PCDHA10: variants seen among roughly 807,000 people sequenced by gnomAD.
PCDHA10 encodes the protein protocadherin alpha 10.
In PCDHA10, 45 loss-of-function variants were observed where a neutral mutation model predicts 61.2. That is an observed-to-expected ratio of 0.74 (90% CI 0.58 to 0.94). The LOEUF is 0.94. Ranked by LOEUF, PCDHA10 falls within the 40% of genes least tolerant of loss-of-function variation. The probability of loss-of-function intolerance (pLI) is 0.00; values close to 1 mark genes in which losing one functional copy is unlikely to be tolerated. For missense variants in PCDHA10, 1,278 were observed against 1,236.2 expected, an observed-to-expected ratio of 1.03 and a Z score of -0.51; for synonymous variants, 602 against 548.8, an observed-to-expected ratio of 1.10 and a Z score of -1.35.
intron 1 of PCDHA10, among the ~76,000 whole-genome samples, chr5:140,976,448 G>C (rs2096716831): frequency 6.6e-6 from 1 of 152,148 alleles, no homozygotes; most frequent in Non-Finnish European, 1.5e-5. Context: ...CTACTAGGGA[G>C]GCTGGGGAAG....
intron 1 of PCDHA10, among the ~76,000 whole-genome samples, chr5:140,872,990 A>C (rs987650775): frequency 6.6e-6 from 1 of 152,184 alleles, no homozygotes; most frequent in African/African-American, 2.4e-5. Context: ...AAGATCATTT[A>C]CTTCTGAGTC....
chr5:140,890,594 T>A (rs1439050160), intron 1 of PCDHA10, among the ~76,000 whole-genome samples: 1 of 152,150 alleles, frequency 6.6e-6, no homozygotes, highest in East Asian at 1.9e-4. Context: ...GAAGCCCTTT[T>A]CCGAATAGCT....
intron 3 of PCDHA10, among the ~76,000 whole-genome samples, chr5:140,991,081 AAAATT>A (rs782742337): frequency 6.6e-6 from 1 of 152,236 alleles, no homozygotes. Flanking sequence ...TTCAGATAAA[AAAATT>A]AAAGCTCATA....
chr5:140,982,678 C>T (rs781968397), intron 3 of PCDHA10, 115 bp downstream of exon 3: 29 of 1,438,778 alleles, frequency 2.0e-5, no homozygotes, highest in Non-Finnish European at 2.6e-5. Context: ...TTTGTTATTC[C>T]CTTTTTTCCA....
At chr5:140,910,523 T>TC (rs2153515069) in intron 1 of PCDHA10, among the ~76,000 whole-genome samples, 1 of 152,338 alleles carries the variant, frequency 6.6e-6, no homozygotes, top group African/African-American at 2.4e-5. Flanking sequence ...ATGCAGGTAC[T>TC]CCCCTCACAA....
intron 3 of PCDHA10, among the ~76,000 whole-genome samples, chr5:141,007,654 C>T (rs1461130528): frequency 6.6e-6 from 1 of 152,052 alleles, no homozygotes; most frequent in Non-Finnish European, 1.5e-5. Context: ...CCTAAAAAAC[C>T]ATAAATTTAC....
At chr5:140,957,851 T>TG (rs2095389296) in intron 1 of PCDHA10, among the ~76,000 whole-genome samples, 1 of 136,014 alleles carries the variant, frequency 7.4e-6, no homozygotes. Flanking sequence ...AGAGTTTGTG[T>TG]ATTTTTTTTC....
intron 1 of PCDHA10, among the ~76,000 whole-genome samples, chr5:140,888,308 G>A (rs1383199158): frequency 1.3e-5 from 2 of 152,106 alleles, no homozygotes; most frequent in Non-Finnish European, 2.9e-5. Flanking sequence ...AGATAATTTG[G>A]CAATGCCTGG....
At chr5:140,925,434 G>C (rs1165185781) in intron 1 of PCDHA10, among the ~76,000 whole-genome samples, 1 of 152,088 alleles carries the variant, frequency 6.6e-6, no homozygotes, top group African/African-American at 2.4e-5. Flanking sequence ...TAGGGTGTTA[G>C]GCAGAATTTG....
At chr5:140,966,603 G>A (rs567686852) in intron 1 of PCDHA10, 9 of 656,454 alleles carry the variant, frequency 1.4e-5, no homozygotes, top group African/African-American at 1.3e-4. Flanking sequence ...AGGAGCCCTT[G>A]GGAGGGCCTA....
In PCDHA10 at chr5:140,897,362, T is replaced by C. The variant is rs1395353589; in HGVS notation, c.2388+38926T>C. Among the ~76,000 whole-genome samples the C allele has an allele frequency of 2.5e-5, 3 of 120,464 alleles. No homozygotes were observed. The East Asian group carries it at 7.6e-4, about 30-fold the overall frequency. 79.0% of individuals were successfully genotyped at this position (120,464 alleles called of 152,430 possible). ...CCCCACCCCACAACTGTCCCCAGAG[T>C]GTGATGTTCCCTTCCCCTTCCTGTG... On this transcript the variant is annotated intron_variant, in intron 1 of 3. Coordinates refer to ENST00000307360, the MANE Select transcript of PCDHA10 (RefSeq NM_018901.4).
At chr5:140,901,674 G>C (rs1387047115) in intron 1 of PCDHA10, among the ~76,000 whole-genome samples, 5 of 152,034 alleles carry the variant, frequency 3.3e-5, no homozygotes, top group African/African-American at 9.7e-5. Flanking sequence ...GATACCTTTA[G>C]GTATTATGGG....
At chr5:140,861,615 C>G (rs2046996028) in intron 1 of PCDHA10, 1 of 348,276 alleles carries the variant, frequency 2.9e-6, no homozygotes, top group African/African-American at 2.1e-5. Context: ...TAAAGACAAC[C>G]TGCCAGTGTT....
intron 1 of PCDHA10, among the ~76,000 whole-genome samples, chr5:140,932,550 A>T (rs552367725): frequency 2.6e-5 from 4 of 152,058 alleles, no homozygotes; most frequent in Admixed American, 2.0e-4. Context: ...TTTAACATAC[A>T]TTCCACAAGT....
chr5:140,965,031 T>C (rs1211247687), intron 1 of PCDHA10, among the ~76,000 whole-genome samples: 3 of 152,208 alleles, frequency 2.0e-5, no homozygotes, highest in African/African-American at 7.2e-5. Flanking sequence ...CTCCTTTAAC[T>C]GTCCGCTCTA....
chr5:140,869,604 AT>A, intron 1 of PCDHA10: 1 of 1,614,062 alleles, frequency 6.2e-7, no homozygotes, highest in Admixed American at 1.7e-5. Context: ...AGAATGCTCT[AT>A]TGACCTACAG....
At chr5:140,877,357 G>A in intron 1 of PCDHA10, 2 of 1,614,020 alleles carry the variant, frequency 1.2e-6, no homozygotes, top group African/African-American at 2.7e-5. Flanking sequence ...GCTGTACACT[G>A]GCGAGATCAG....
chr5:140,870,237 A>C, intron 1 of PCDHA10: 1 of 1,614,180 alleles, frequency 6.2e-7, no homozygotes, highest in South Asian at 1.1e-5. Flanking sequence ...ACCGTGACTC[A>C]GGTGTCAACG....
In PCDHA10 at chr5:140,856,909, G is replaced by T; in HGVS notation, c.861G>T (p.Thr287=). The change falls in exon 1 of 4, where the codon ACG becomes ACT. Residue 287 remains threonine (T), a synonymous_variant. Coordinates refer to ENST00000307360, the MANE Select transcript of PCDHA10 (RefSeq NM_018901.4). The stretch of plus-strand genomic sequence containing the variant: ...CATTTAGCTCTTTGGTCCCACCCAC[G>T]ATAAGAAGGAAATTTTGGATAAACG... ...MYSFSSLVPP[T]IRRKFWINER... is the part of the protein sequence containing the mutation. 1 of 1,596,132 alleles carries T rather than the reference G, an allele frequency of 6.3e-7. No homozygotes were observed. Among genetic ancestry groups the T allele is most frequent in the African/African-American group, 1.3e-5 (1 of 74,382 alleles).
Sources: allele counts gnomAD v4.1 joint callset (sites outside exome capture counted in the v4.1 genomes callset), GRCh38; gene constraint gnomAD v4.1.1; transcripts MANE v1.5; gene names NCBI Gene and HGNC (gene_info 2026-07-23, HGNC 2026-07-21).